Variants in IBA57 observed in about 807,000 individuals in gnomAD.
IBA57 encodes iron-sulfur cluster assembly factor IBA57, mitochondrial.
IBA57 carries 20 observed loss-of-function variants against 20.4 expected under a neutral mutation model. The ratio of observed to expected loss-of-function variants is 0.98; its 90% CI spans 0.69 to 1.42. IBA57 has a LOEUF of 1.42. Ranked by LOEUF, IBA57 falls within the 40% of genes most tolerant of loss-of-function variation. The pLI is 0.00. For synonymous variants in IBA57, 310 were observed against 233.9 expected, an observed-to-expected ratio of 1.33 and a Z score of -2.97; for missense variants, 608 against 499.3, an observed-to-expected ratio of 1.22 and a Z score of -2.07.
In IBA57 at chr1:228,175,604, T is replaced by C. The variant is rs528016765; in HGVS notation, c.*91T>C. On this transcript the variant is annotated 3_prime_UTR_variant, in exon 3 of 3. Transcript: ENST00000366711. ...GGGTCTTCCCGTCCCATCTGTCTGC[T>C]GCGCCTACTGGGTGGGAGCCCTGGT... The C allele has an allele frequency of 1.8e-5, 26 of 1,438,538 alleles. No homozygotes were observed. Among genetic ancestry groups the C allele is most frequent in the Non-Finnish European group, 2.4e-5 (26 of 1,085,032 alleles). 89.1% of individuals were successfully genotyped at this position (1,438,538 alleles called of 1,614,324 possible).
chr1:228,180,951 T>A lies in IBA57; in HGVS notation c.*5438T>A, dbSNP rs2035100930. 6.6e-6 allele frequency: 1 copy of A among 152,048 alleles called. No homozygotes were observed. Among genetic ancestry groups the A allele is most frequent in the African/African-American group, 2.4e-5 (1 of 41,374 alleles). 9.4% of individuals were successfully genotyped at this position (152,048 alleles called of 1,614,324 possible). The stretch of plus-strand genomic sequence containing the variant: ...TGGGACCACAGGTGCATGCTAATTT[T>A]TAAAATTTTTTGTTTTTAAATGCTG... On this transcript the variant is annotated 3_prime_UTR_variant, in exon 3 of 3. Transcript: ENST00000366711.
intron 1 of IBA57, 58 bp downstream of exon 1, chr1:228,166,215 C>G: frequency 3.9e-6 from 4 of 1,020,250 alleles, no homozygotes; most frequent in Non-Finnish European, 4.8e-6. Flanking sequence ...GGCCAGGGAC[C>G]GGCACCCAGG....
chr1:228,174,755 G>A lies in IBA57; in HGVS notation c.405G>A (p.Ala135=). The change falls in exon 2 of 3, where the codon GCG becomes GCA. Residue 135 remains alanine, a synonymous_variant. Transcript: ENST00000366711. ...AGTGTGACAGCTCGGTGCAGGGCGC[G>A]CTGCAGAAGCACCTCGCGCTATACA... is the stretch of plus-strand genomic sequence containing the variant. ...LLECDSSVQG[A]LQKHLALYRI... is the part of the protein sequence containing the mutation. The A allele has an allele frequency of 1.2e-6, 2 of 1,607,700 alleles. No individual in the cohort carries two copies. Among genetic ancestry groups the A allele is most frequent in the East Asian group, 2.2e-5 (1 of 44,786 alleles).
Position 228,174,935 on chromosome 1 carries a change from G to T in IBA57, c.585G>T (p.Gly195=). The T allele has an allele frequency of 6.3e-7, 1 of 1,581,924 alleles. No individual in the cohort carries two copies. Among genetic ancestry groups the T allele is most frequent in the Non-Finnish European group, 8.6e-7 (1 of 1,161,102 alleles). Reference sequence around the variant, plus strand: ...GCGACCCGCGAACAGCACGCATGGGGTGGCGGCTCCTCACCCAGGATGAAG... The same window carrying T: ...GCGACCCGCGAACAGCACGCATGGGTTGGCGGCTCCTCACCCAGGATGAAG... ...LIRDPRTARM[G]WRLLTQDEGP... is the part of the protein sequence containing the mutation. The change falls in exon 2 of 3, where the codon GGG becomes GGT. Residue 195 remains glycine (G), a synonymous_variant. Coordinates refer to ENST00000366711, the MANE Select transcript of IBA57 (RefSeq NM_001010867.4).
In IBA57 at chr1:228,166,067, CG is replaced by C; in HGVS notation, c.253del (p.Ala85ProfsTer16). 6.5e-7 allele frequency: 1 copy of C among 1,537,054 alleles called. No homozygotes were observed. Among genetic ancestry groups the C allele is most frequent in the Non-Finnish European group, 8.7e-7 (1 of 1,145,316 alleles). On this transcript the variant is annotated frameshift_variant, in exon 1 of 3. Coordinates refer to ENST00000366711, the MANE Select transcript of IBA57 (RefSeq NM_001010867.4). LOFTEE classifies it high-confidence loss of function. ...AATGAACTGCCGCTTCCGAGTCCTG[CG>C]GCCGCGGGGGCCCCGCCTGCTGCGC... ...LTNELPLPSP[A>X]AAGAPPAARA...
Position 228,170,237 on chromosome 1 carries a change from C to T in IBA57, c.341+4080C>T, listed in dbSNP as rs1199207812. On this transcript the variant is annotated intron_variant, in intron 1 of 2. Transcript: ENST00000366711. The surrounding 1 kb of genome is among the most constrained non-coding windows in gnomAD (Gnocchi z 4.8). ...GACCACAGTTTATTTGTCCACTCAT[C>T]TACTGAGGGACATATTGGTTGCTTC... Among the ~76,000 whole-genome samples the T allele has an allele frequency of 1.3e-5, 2 of 152,220 alleles. No homozygotes were observed. The highest frequency in any genetic ancestry group is 2.9e-5 in the Non-Finnish European group (2 of 68,042).
chr1:228,167,171 T>G (rs1222574173), intron 1 of IBA57, among the ~76,000 whole-genome samples: 2 of 152,218 alleles, frequency 1.3e-5, no homozygotes, highest in African/African-American at 4.8e-5. Flanking sequence ...TCGTGAAATG[T>G]CATGCTGATG....
chr1:228,174,606 C>G, intron 1 of IBA57, 86 bp from the exon 2 acceptor site: 3 of 1,288,628 alleles, frequency 2.3e-6, no homozygotes, highest in South Asian at 3.1e-5. Context: ...TGCTCCTCTG[C>G]CCGGGTAAGG....
At position 228,175,104 on chromosome 1, in the gene IBA57, C is replaced by G. The variant is rs1158639020; in HGVS notation, c.680-18C>G. ...CGATGTTCAATTCTCGCTGGTTTCC[C>G]CCCTCCAATCCCTGCAGGCGTTCCT... On this transcript the variant is annotated intron_variant, in intron 2 of 2. Transcript: ENST00000366711. 3 of 1,603,618 alleles carry G rather than the reference C, an allele frequency of 1.9e-6. No homozygotes were observed. Among genetic ancestry groups the G allele is most frequent in the Admixed American group, 3.4e-5 (2 of 59,298 alleles).
intron 1 of IBA57, 130 bp downstream of exon 1, chr1:228,166,287 G>T: frequency 4.7e-5 from 12 of 254,558 alleles, no homozygotes; most frequent in Non-Finnish European, 8.4e-5. Flanking sequence ...GGAGGGCCGG[G>T]ATGGGGTGGA....
intron 1 of IBA57, among the ~76,000 whole-genome samples, chr1:228,166,953 T>C (rs561610500): frequency 2.0e-5 from 3 of 152,156 alleles, no homozygotes; most frequent in Non-Finnish European, 4.4e-5. Flanking sequence ...CTGAGCTACG[T>C]GGGGTGAATT....
chr1:228,170,765 C>A lies in IBA57; in HGVS notation c.342-3927C>A, dbSNP rs531339309. Among the ~76,000 whole-genome samples, 1 of 152,292 alleles carries A rather than the reference C, an allele frequency of 6.6e-6. No individual in the cohort carries two copies. The highest frequency in any genetic ancestry group is 1.9e-4 in the East Asian group (1 of 5,178). ...CTCAGCAGGCCCAAGAGTGTCAGGGCTGTGGCCTTGTGTCTGGCCAGCACT... is the reference window on the plus strand; with the variant it reads ...CTCAGCAGGCCCAAGAGTGTCAGGGATGTGGCCTTGTGTCTGGCCAGCACT... On this transcript the variant is annotated intron_variant, in intron 1 of 2. Coordinates refer to ENST00000366711, the MANE Select transcript of IBA57 (RefSeq NM_001010867.4). This position sits in a 1 kb window ranked among gnomAD's most constrained non-coding sequence, Gnocchi z 4.8.
chr1:228,174,681 T>A lies in IBA57; in HGVS notation c.342-11T>A. 1 of 1,530,498 alleles carries A rather than the reference T, an allele frequency of 6.5e-7. No homozygotes were observed. Among genetic ancestry groups the A allele is most frequent in the Non-Finnish European group, 8.8e-7 (1 of 1,140,690 alleles). The allele number at this position is 1,530,498 out of a possible 1,614,324, so 94.8% of individuals were successfully genotyped here. On this transcript the variant is annotated splice_polypyrimidine_tract_variant and intron_variant, in intron 1 of 2. Coordinates refer to ENST00000366711, the MANE Select transcript of IBA57 (RefSeq NM_001010867.4). The stretch of plus-strand genomic sequence containing the variant: ...GTGAGCTGCCATGCGCCCCTGCCTC[T>A]CTCCCTGCAGGCTCCAGGAACACTC...
Position 228,175,191 on chromosome 1 carries a change from T to C in IBA57, c.749T>C (p.Met250Thr). 1 of 1,612,888 alleles carries C rather than the reference T, an allele frequency of 6.2e-7. No individual in the cohort carries two copies. Among genetic ancestry groups the C allele is most frequent in the Non-Finnish European group, 8.5e-7 (1 of 1,179,952 alleles). ...CCCCTGGAGTCCAACCTGGCCTTCA[T>C]GAACGGCGTGAGCTTCACCAAAGGC... Reference protein sequence around the residue: ...ALPLESNLAFMNGVSFTKGCY... With the variant: ...ALPLESNLAFTNGVSFTKGCY... The change falls in exon 3 of 3, where the codon ATG becomes ACG. Residue 250 changes from methionine to threonine, a missense_variant. Met to Thr is a moderately conservative substitution (Grantham distance 81). Transcript: ENST00000366711.
At chr1:228,173,416 G>GC (rs1272973750) in intron 1 of IBA57, 1 of 35,612 alleles carries the variant, frequency 2.8e-5, no homozygotes, top group Non-Finnish European at 6.4e-5. Flanking sequence ...CCCCCGACAT[G>GC]CCCCACGCTG....
rs749005275 is a variant in IBA57, at chr1:228,175,747, G to A, written c.*234G>A. The A allele has an allele frequency of 2.6e-4, 121 of 467,696 alleles. 1 individual carries two copies. The highest frequency in any genetic ancestry group is 1.1e-3 in the Middle Eastern group (2 of 1,802). 29.0% of individuals were successfully genotyped at this position (467,696 alleles called of 1,614,324 possible). A position where few individuals can be genotyped will look rare whatever the true frequency, so the allele number is the denominator to read the frequency against. On this transcript the variant is annotated 3_prime_UTR_variant, in exon 3 of 3. Coordinates refer to ENST00000366711, the MANE Select transcript of IBA57 (RefSeq NM_001010867.4). ...TCCTGTGGCCCCAGAGGAGCCCACC[G>A]TGTGAGTGCTGGGCTCCAGATGGCG...
At chr1:228,173,617 C>G (rs1192857913) in intron 1 of IBA57, 2 of 152,742 alleles carry the variant, frequency 1.3e-5, no homozygotes, top group Non-Finnish European at 2.9e-5. Flanking sequence ...GCTGTACCTC[C>G]CTGACAACCT....
chr1:228,179,772 G>C lies in IBA57; in HGVS notation c.*4259G>C, dbSNP rs966714008. ...AATAAGTAGTTGATTAAAAGCAACA[G>C]TGGAAGCCAGAAAGATAGTAAATAA... On this transcript the variant is annotated 3_prime_UTR_variant, in exon 3 of 3. Coordinates refer to ENST00000366711, the MANE Select transcript of IBA57 (RefSeq NM_001010867.4). The C allele has an allele frequency of 6.6e-6, 1 of 152,172 alleles. No homozygotes were observed. The highest frequency in any genetic ancestry group is 1.5e-5 in the Non-Finnish European group (1 of 68,030). 9.4% of individuals were successfully genotyped at this position (152,172 alleles called of 1,614,324 possible).
rs1246806040 is a variant in IBA57, at chr1:228,165,971, G to A, written c.155G>A (p.Arg52Gln). The A allele has an allele frequency of 6.6e-7, 1 of 1,516,840 alleles. No individual in the cohort carries two copies. Among genetic ancestry groups the A allele is most frequent in the Non-Finnish European group, 8.8e-7 (1 of 1,140,164 alleles). The allele number at this position is 1,516,840 out of a possible 1,614,324, so 94.0% of individuals were successfully genotyped here. ...GCCGGAGCGGCCTGGGCCTGCTTCC[G>A]GCTGGACGGGCGCACCCTGCTGCGC... ...PTAGAAWACF[R>Q]LDGRTLLRVR... Residue 52 changes from arginine (R) to glutamine (Q), a missense_variant, in exon 1 of 3, where the codon CGG (arginine) becomes CAG (glutamine). Transcript: ENST00000366711.
Sources: allele counts gnomAD v4.1 joint callset (sites outside exome capture counted in the v4.1 genomes callset), GRCh38; gene constraint gnomAD v4.1.1; non-coding constraint Gnocchi (gnomAD v3.1); transcripts MANE v1.5; gene names NCBI Gene and HGNC (gene_info 2026-07-23, HGNC 2026-07-21).